USP9X: variants seen among roughly 807,000 people sequenced by gnomAD.
USP9X encodes the protein ubiquitin carboxyl-terminal hydrolase 9X.
A neutral mutation model predicts 190.3 loss-of-function variants in USP9X; 7 were observed. The observed-to-expected ratio is 0.04, with a 90% confidence interval of 0.02 to 0.07. The LOEUF (loss-of-function observed/expected upper bound fraction) is 0.07, where lower values mean the gene tolerates loss of function less well. USP9X is among the 10% of genes least tolerant of loss of function. The pLI is 1.00. For synonymous variants in USP9X, 645 were observed against 659.5 expected (o/e 0.98, Z 0.34); for missense variants, 1,010 against 1,916.9 (o/e 0.53, Z 8.83).
At chrX:41,093,390 C>G (rs2061967458) in intron 1 of USP9X, among the ~76,000 whole-genome samples, 1 of 112,175 alleles carries the variant, frequency 8.9e-6, no homozygotes, top group South Asian at 3.7e-4. Flanking sequence ...GAGCAGAAAA[C>G]AAAAAAGTAA....
At chrX:41,104,737 A>T (rs1191757177) in intron 1 of USP9X, among the ~76,000 whole-genome samples, 1 of 111,375 alleles carries the variant, frequency 9.0e-6, no homozygotes, top group Non-Finnish European at 1.9e-5. Flanking sequence ...CTTCACATAC[A>T]TTCTCCTATT....
At chrX:41,211,596 C>T (rs756765414) in intron 33 of USP9X, among the ~76,000 whole-genome samples, 142 of 113,101 alleles carry the variant, frequency 1.3e-3, no homozygotes, top group African/African-American at 4.3e-3. Flanking sequence ...TGCCTCTGCC[C>T]GGCTGCCCCT....
intron 1 of USP9X, among the ~76,000 whole-genome samples, chrX:41,120,329 G>C (rs1490262693): frequency 3.6e-5 from 4 of 112,068 alleles, no homozygotes; most frequent in Non-Finnish European, 5.6e-5. Context: ...GTATACATTT[G>C]TAAGGATTAC....
chrX:41,205,570 G>T, intron 32 of USP9X, 77 bp downstream of exon 32: 1 of 925,441 alleles, frequency 1.1e-6, no homozygotes, highest in Non-Finnish European at 1.4e-6. Context: ...ACCTCTAAAA[G>T]ACATGTTGGA....
chrX:41,155,934 G>A (rs1468251832), intron 14 of USP9X, among the ~76,000 whole-genome samples: 1 of 111,468 alleles, frequency 9.0e-6, no homozygotes, highest in Non-Finnish European at 1.9e-5. Flanking sequence ...GCTTTCACTG[G>A]CCATAATTAG....
chrX:41,202,043 T>TG (rs2063047238), intron 31 of USP9X, among the ~76,000 whole-genome samples: 2 of 113,049 alleles, frequency 1.8e-5, no homozygotes. Flanking sequence ...GGGGTTTGTT[T>TG]GATGGTAAGA....
At chrX:41,195,542 C>CA (rs1271783032) in intron 26 of USP9X, among the ~76,000 whole-genome samples, 1 of 111,350 alleles carries the variant, frequency 9.0e-6, no homozygotes, top group Non-Finnish European at 1.9e-5. Context: ...CAGCAGTCCC[C>CA]AACCCTTTTG....
At chrX:41,196,187 CAAT>C in intron 26 of USP9X, 61 bp from the exon 27 acceptor site, 1 of 1,152,489 alleles carries the variant, frequency 8.7e-7, no homozygotes, top group Non-Finnish European at 1.2e-6. Flanking sequence ...CAAGAGGGAA[CAAT>C]GTTACAATCA....
In USP9X at chrX:41,219,197, G is replaced by A. The variant is rs1345995424; in HGVS notation, c.6531G>A (p.Gln2177=). 1 of 1,210,656 alleles carries A rather than the reference G, an allele frequency of 8.3e-7. No homozygotes were observed. The highest frequency in any genetic ancestry group is 1.1e-6 in the Non-Finnish European group (1 of 894,859). The change falls in exon 38 of 45, where the codon CAG becomes CAA. Residue 2177 remains glutamine, a synonymous_variant. Coordinates refer to ENST00000378308, the MANE Select transcript of USP9X (RefSeq NM_001039591.3). ...EVSEHGRHLQ[Q]YFNLFVMYAN... ...CAGAGCATGGGCGTCATTTACAGCA[G>A]TATTTCAACCTGTTTGTAATGTATG... is the stretch of plus-strand genomic sequence containing the variant.
chrX:41,086,647 A>G (rs2061914519), intron 1 of USP9X, among the ~76,000 whole-genome samples: 1 of 112,034 alleles, frequency 8.9e-6, no homozygotes, highest in African/African-American at 3.2e-5. Flanking sequence ...CCCTCCCGCG[A>G]TAACCCGCAG....
intron 1 of USP9X, among the ~76,000 whole-genome samples, chrX:41,094,199 G>A (rs1450566197): frequency 1.8e-5 from 1 of 55,777 alleles, no homozygotes; most frequent in African/African-American, 6.3e-5. Context: ...TTTTTGAAAT[G>A]GAGTTTCACT....
chrX:41,122,969 T>G (rs2062203733), intron 1 of USP9X, among the ~76,000 whole-genome samples: 2 of 111,072 alleles, frequency 1.8e-5, no homozygotes, highest in Admixed American at 9.6e-5. Flanking sequence ...CTTCTGCTTT[T>G]GGAGCCTGGG....
At chrX:41,166,484 A>G (rs1347777790) in intron 16 of USP9X, among the ~76,000 whole-genome samples, 1 of 111,188 alleles carries the variant, frequency 9.0e-6, no homozygotes, top group East Asian at 2.8e-4. Context: ...CAAATCTTTC[A>G]TTCCTCCCCC....
Position 41,189,275 on chromosome X carries a change from T to TTTGGG in USP9X, c.3811-32_3811-28dup, listed in dbSNP as rs1489377589. 5 of 1,183,732 alleles carry TTTGGG rather than the reference T, an allele frequency of 4.2e-6. No individual in the cohort carries two copies. The Admixed American group carries it at 1.1e-4, about 27-fold the overall frequency. ...GTGTGAGATTTTTCTTAAATACTTC[T>TTTGGG]TTGGGTAATTTGTTCTTGATTGTAA... On this transcript the variant is annotated intron_variant, in intron 25 of 44. Coordinates refer to ENST00000378308, the MANE Select transcript of USP9X (RefSeq NM_001039591.3).
At chrX:41,088,076 C>G (rs1393943046) in intron 1 of USP9X, among the ~76,000 whole-genome samples, 1 of 111,892 alleles carries the variant, frequency 8.9e-6, no homozygotes, top group Non-Finnish European at 1.9e-5. Flanking sequence ...GTCCACCTCC[C>G]GGGTTCAAGG....
chrX:41,199,690 A>G (rs2063024613), intron 30 of USP9X, among the ~76,000 whole-genome samples: 1 of 111,742 alleles, frequency 8.9e-6, no homozygotes, highest in Non-Finnish European at 1.9e-5. Context: ...CGGCCTCCCA[A>G]AGTGCTGGAA....
Position 41,234,323 on chromosome X carries a change from G to T in USP9X, c.*1799G>T, listed in dbSNP as rs1357538242. 1 of 111,964 alleles carries T rather than the reference G, an allele frequency of 8.9e-6. No individual in the cohort carries two copies. Among genetic ancestry groups the T allele is most frequent in the Non-Finnish European group, 1.9e-5 (1 of 53,191 alleles). 9.2% of individuals were successfully genotyped at this position (111,964 alleles called of 1,213,427 possible). On this transcript the variant is annotated 3_prime_UTR_variant, in exon 45 of 45. Transcript: ENST00000378308. ...TTTACAATTCAGTTAATAGGGAAAT[G>T]TTTTGTCAAAAGGCTACACTTGGAA...
At chrX:41,113,598 G>A (rs1191834047) in intron 1 of USP9X, among the ~76,000 whole-genome samples, 1 of 112,093 alleles carries the variant, frequency 8.9e-6, no homozygotes, top group African/African-American at 3.2e-5. Context: ...TGAAACAATT[G>A]ATTTATACAT....
At chrX:41,197,876 G>A (rs1268763190) in intron 29 of USP9X, among the ~76,000 whole-genome samples, 16 of 110,006 alleles carry the variant, frequency 1.5e-4, no homozygotes, top group Non-Finnish European at 3.8e-5. Flanking sequence ...TGCCAGGTGT[G>A]GTGGCGCACA....
Sources: gnomAD v4.1 joint callset for allele counts (sites outside exome capture counted in the v4.1 genomes callset) on GRCh38, gnomAD v4.1.1 for gene constraint, MANE v1.5 for transcripts, NCBI Gene and HGNC (gene_info 2026-07-23, HGNC 2026-07-21) for gene names.